SH2D4A: variants seen among roughly 807,000 people sequenced by gnomAD.
SH2D4A encodes SH2 domain containing 4A, also known as SH2 domain-containing protein 4A.
Under a neutral mutation model 64.7 loss-of-function variants are expected in SH2D4A, and 70 were observed. The ratio of observed to expected loss-of-function variants is 1.08; its 90% CI spans 0.89 to 1.32. The LOEUF (loss-of-function observed/expected upper bound fraction) is 1.32. SH2D4A is among the 40% of genes most tolerant of loss of function. The pLI, the probability that SH2D4A is intolerant of heterozygous loss-of-function variation, is 0.00. For synonymous variants in SH2D4A, 268 were observed against 200.7 expected (o/e 1.34, Z -2.83); for missense variants, 706 against 540.1 (o/e 1.31, Z -3.04).
At chr8:19,385,723 G>A (rs951973576) in intron 8 of SH2D4A, among the ~76,000 whole-genome samples, 4 of 152,152 alleles carry the variant, frequency 2.6e-5, no homozygotes, top group Admixed American at 1.3e-4. Flanking sequence ...ACCCCCAACA[G>A]AGCATATGTC....
At chr8:19,363,738 C>A in intron 6 of SH2D4A, 1 of 352,244 alleles carries the variant, frequency 2.8e-6, no homozygotes, top group East Asian at 6.5e-5. Flanking sequence ...CCAGCTTGAA[C>A]CCATGCTCAG....
intron 4 of SH2D4A, among the ~76,000 whole-genome samples, chr8:19,347,173 G>A (rs564227023): frequency 1.1e-4 from 16 of 152,300 alleles, no homozygotes; most frequent in South Asian, 2.1e-4. Flanking sequence ...CAGCGAACAC[G>A]CAGAGTTACT....
chr8:19,374,998 A>C (rs2053169064), intron 8 of SH2D4A: 1 of 152,140 alleles, frequency 6.6e-6, no homozygotes, highest in Non-Finnish European at 1.5e-5. Flanking sequence ...GGGAGTAAGA[A>C]ATGGAAAATG....
chr8:19,346,630 A>T (rs904332691), intron 4 of SH2D4A, among the ~76,000 whole-genome samples: 18 of 152,236 alleles, frequency 1.2e-4, no homozygotes, highest in African/African-American at 4.1e-4. Context: ...ATTGTCTTCC[A>T]CAAAATCAGT....
At chr8:19,332,607 G>A (rs924940812) in intron 2 of SH2D4A, among the ~76,000 whole-genome samples, 1 of 23,820 alleles carries the variant, frequency 4.2e-5, no homozygotes, top group Admixed American at 5.4e-4. Flanking sequence ...CTGAGGTGGG[G>A]AACGGCTTGA....
rs370752682 is a variant in SH2D4A at position 19,364,148 on chromosome 8, C to T, written c.783C>T (p.Ser261=). The T allele has an allele frequency of 1.2e-6, 2 of 1,614,106 alleles. No individual in the cohort carries two copies. Among genetic ancestry groups the T allele is most frequent in the Non-Finnish European group, 1.7e-6 (2 of 1,179,998 alleles). Residue 261 remains serine, a synonymous_variant, in exon 7 of 10, where the codon TCC becomes TCT. Coordinates refer to ENST00000265807, the MANE Select transcript of SH2D4A (RefSeq NM_022071.4). ...CACGAGAAGACTACAAGAGGTTATCCCTCGGGGCCCAGAAAGGAAGAGGCG... is the reference window on the plus strand; with the variant it reads ...CACGAGAAGACTACAAGAGGTTATCTCTCGGGGCCCAGAAAGGAAGAGGCG... ...KQAREDYKRL[S]LGAQKGRGGE... is the part of the protein sequence containing the mutation.
At chr8:19,329,532 G>A (rs2052338413) in intron 2 of SH2D4A, among the ~76,000 whole-genome samples, 1 of 152,180 alleles carries the variant, frequency 6.6e-6, no homozygotes, top group Admixed American at 6.5e-5. Context: ...TGAGGACAGG[G>A]ACTAGACCAT....
chr8:19,365,985 G>T (rs140086981), intron 7 of SH2D4A, among the ~76,000 whole-genome samples: 2 of 151,884 alleles, frequency 1.3e-5, no homozygotes, highest in Admixed American at 6.6e-5. Flanking sequence ...AAATCATTAG[G>T]GATAATATAT....
intron 2 of SH2D4A, among the ~76,000 whole-genome samples, chr8:19,326,726 C>T (rs535239039): frequency 3.9e-5 from 6 of 152,170 alleles, no homozygotes; most frequent in South Asian, 2.1e-4. Context: ...CTCGCACACA[C>T]GTCTTTTACT....
Position 19,335,955 on chromosome 8 carries a change from C to G in SH2D4A, c.513+1098C>G, listed in dbSNP as rs1011035688. On this transcript the variant is annotated intron_variant, in intron 4 of 9. Transcript: ENST00000265807. ...TTGATTTCCATTTATGTCTCCAGCC[C>G]TGCAGCACTGGCTGTGTGTGCTTTT... Among the ~76,000 whole-genome samples the G allele has an allele frequency of 7.0e-4, 107 of 152,154 alleles. 2 individuals are homozygous for G. Among genetic ancestry groups the G allele is most frequent in the Non-Finnish European group, 1.6e-4 (11 of 68,030 alleles).
At chr8:19,325,530 G>A (rs905624141) in intron 2 of SH2D4A, among the ~76,000 whole-genome samples, 2 of 152,270 alleles carry the variant, frequency 1.3e-5, no homozygotes. Flanking sequence ...TAATTAAACT[G>A]GGATTGGCTT....
intron 1 of SH2D4A, chr8:19,314,178 G>A: frequency 3.3e-6 from 3 of 909,156 alleles, no homozygotes; most frequent in Non-Finnish European, 4.1e-6. Flanking sequence ...GGGAAGTTCT[G>A]GAATCCGGCA....
At chr8:19,336,726 G>A (rs2052451843) in intron 4 of SH2D4A, among the ~76,000 whole-genome samples, 1 of 152,038 alleles carries the variant, frequency 6.6e-6, no homozygotes, top group South Asian at 2.1e-4. Flanking sequence ...AAACAGCCAA[G>A]CATGGTGGTG....
intron 4 of SH2D4A, among the ~76,000 whole-genome samples, chr8:19,355,038 T>C (rs931980453): frequency 6.6e-6 from 1 of 152,182 alleles, no homozygotes; most frequent in Non-Finnish European, 1.5e-5. Flanking sequence ...TTTTATAATA[T>C]TAAAATGAGA....
intron 2 of SH2D4A, among the ~76,000 whole-genome samples, chr8:19,321,785 T>G (rs1257880009): frequency 6.6e-6 from 1 of 152,168 alleles, no homozygotes; most frequent in African/African-American, 2.4e-5. Context: ...TGGGGTGACC[T>G]TGGGGACTAG....
intron 8 of SH2D4A, among the ~76,000 whole-genome samples, chr8:19,393,086 A>G (rs2053520066): frequency 6.6e-6 from 1 of 152,138 alleles, no homozygotes; most frequent in South Asian, 2.1e-4. Context: ...GCTCTCATGT[A>G]TACCTCTATA....
At chr8:19,373,442 G>GTATATA in intron 7 of SH2D4A, 88 bp from the exon 8 acceptor site, 1 of 796,344 alleles carries the variant, frequency 1.3e-6, no homozygotes. Flanking sequence ...GTATGTGTGT[G>GTATATA]TGTATATATA....
At chr8:19,329,802 C>T (rs879374198) in intron 2 of SH2D4A, among the ~76,000 whole-genome samples, 2 of 152,198 alleles carry the variant, frequency 1.3e-5, no homozygotes, top group Non-Finnish European at 2.9e-5. Context: ...TAAGACGTTA[C>T]AGGTGCAAGT....
At chr8:19,325,956 G>A (rs2117189019) in intron 2 of SH2D4A, among the ~76,000 whole-genome samples, 1 of 152,314 alleles carries the variant, frequency 6.6e-6, no homozygotes, top group African/African-American at 2.4e-5. Context: ...GTGGAGCTGG[G>A]AAAGAACATG....
Sources: allele counts gnomAD v4.1 joint callset (sites outside exome capture counted in the v4.1 genomes callset), GRCh38; gene constraint gnomAD v4.1.1; transcripts MANE v1.5; gene names NCBI Gene and HGNC (gene_info 2026-07-23, HGNC 2026-07-21).